The following SGCD variants were observed in gnomAD, a reference collection of about 807,000 sequenced individuals.
SGCD encodes the protein sarcoglycan delta.
In SGCD, 18 loss-of-function variants were observed where a neutral mutation model predicts 36.6. The ratio of observed to expected loss-of-function variants is 0.49; its 90% CI spans 0.34 to 0.73. SGCD has a LOEUF of 0.73. SGCD is among the 30% of genes least tolerant of loss of function. The probability of loss-of-function intolerance (pLI) is 0.01; values close to 1 mark genes in which losing one functional copy is unlikely to be tolerated. For synonymous variants in SGCD, 133 were observed against 130.6 expected (o/e 1.02, Z -0.12); for missense variants, 387 against 346.7 (o/e 1.12, Z -0.92).
chr5:156,729,358 C>T (rs763106331), intron 7 of SGCD, among the ~76,000 whole-genome samples: 9 of 152,152 alleles, frequency 5.9e-5, no homozygotes, highest in Admixed American at 2.0e-4. Flanking sequence ...TCTATCTCTC[C>T]GGTGAAAATC....
At chr5:156,217,027 C>T (rs1487324946) in intron 3 of SGCD, among the ~76,000 whole-genome samples, 2 of 151,956 alleles carry the variant, frequency 1.3e-5, no homozygotes, top group East Asian at 1.9e-4. Context: ...GCAGTGAGCC[C>T]AGATCGTGCC....
intron 3 of SGCD, chr5:156,458,418 T>A: frequency 6.2e-7 from 1 of 1,604,044 alleles, no homozygotes; most frequent in East Asian, 2.2e-5. Context: ...ATCGATGTAG[T>A]AGACACCAAT....
At chr5:156,495,079 C>T (rs1026797298) in intron 3 of SGCD, among the ~76,000 whole-genome samples, 1 of 152,086 alleles carries the variant, frequency 6.6e-6, no homozygotes, top group Non-Finnish European at 1.5e-5. Context: ...TCCACAGGTG[C>T]AGTGATTTCC....
chr5:156,688,527 C>A (rs917053640), intron 7 of SGCD, among the ~76,000 whole-genome samples: 1 of 152,078 alleles, frequency 6.6e-6, no homozygotes, highest in Non-Finnish European at 1.5e-5. Context: ...GTCAGAAACT[C>A]CCCAAATTAA....
intron 3 of SGCD, among the ~76,000 whole-genome samples, chr5:156,413,272 G>T (rs1431702579): frequency 1.3e-5 from 2 of 152,192 alleles, no homozygotes; most frequent in South Asian, 2.1e-4. Context: ...TTCAAAGAAG[G>T]CATCCTGGGA....
chr5:156,538,638 G>T (rs779616670), intron 4 of SGCD, among the ~76,000 whole-genome samples: 5 of 152,002 alleles, frequency 3.3e-5, no homozygotes, highest in Admixed American at 6.6e-5. Flanking sequence ...TTAAAAAAAA[G>T]CCTCTCTGAG....
At chr5:155,931,277 T>A (rs1757092895) in intron 1 of SGCD, among the ~76,000 whole-genome samples, 1 of 152,188 alleles carries the variant, frequency 6.6e-6, no homozygotes, top group African/African-American at 2.4e-5. Context: ...TATTCTGAGT[T>A]CCATTGGGGG....
rs577141851 is a variant in SGCD at position 156,469,891 on chromosome 5, C to T, written c.193-38710C>T. ...CTGTCAAATAACACATTCAGAGATGCGTAAACATGGGCCAAGTTAAGCTGA... is the reference window on the plus strand; with the variant it reads ...CTGTCAAATAACACATTCAGAGATGTGTAAACATGGGCCAAGTTAAGCTGA... On this transcript the variant is annotated intron_variant, in intron 3 of 8. Coordinates refer to ENST00000337851, the MANE Select transcript of SGCD (RefSeq NM_000337.6). Among the ~76,000 whole-genome samples the T allele has an allele frequency of 1.9e-4, 29 of 152,272 alleles. 1 individual carries two copies. Among genetic ancestry groups the T allele is most frequent in the Non-Finnish European group, 3.1e-4 (21 of 68,024 alleles).
Position 156,483,642 on chromosome 5 carries a change from C to G in SGCD, c.193-24959C>G, listed in dbSNP as rs76132805. ...TCTTTTCTTCTGCATTTCTTAATCT[C>G]TCTCTTGAGAGCAGTCACCTTGGTA... On this transcript the variant is annotated intron_variant, in intron 3 of 8. Coordinates refer to ENST00000337851, the MANE Select transcript of SGCD (RefSeq NM_000337.6). 3.3e-4 allele frequency among the ~76,000 whole-genome samples: 51 copies of G among 152,326 alleles called. No homozygotes were observed. The East Asian group carries it at 9.8e-3, about 29-fold the overall frequency.
the SGCD span, among the ~76,000 whole-genome samples, chr5:155,860,166 C>T: frequency 6.6e-6 from 1 of 152,226 alleles, no homozygotes; most frequent in Non-Finnish European, 1.5e-5. Flanking sequence ...TTTTTCTTCT[C>T]CCTTCTACCT....
chr5:156,533,451 A>G (rs1235453469), intron 4 of SGCD, among the ~76,000 whole-genome samples: 2 of 152,214 alleles, frequency 1.3e-5, no homozygotes, highest in Non-Finnish European at 2.9e-5. Flanking sequence ...ATATGTTTTC[A>G]TCCAGAACCC....
intron 3 of SGCD, among the ~76,000 whole-genome samples, chr5:156,475,351 G>A (rs1002861778): frequency 1.3e-5 from 2 of 152,142 alleles, no homozygotes; most frequent in African/African-American, 4.8e-5. Flanking sequence ...TCCCTGCTCT[G>A]TCATAGTGAC....
At chr5:156,390,702 C>A (rs1771516249) in intron 3 of SGCD, among the ~76,000 whole-genome samples, 1 of 151,876 alleles carries the variant, frequency 6.6e-6, no homozygotes, top group Admixed American at 6.6e-5. Context: ...TGCACTCCAG[C>A]CTGGGCAACA....
intron 7 of SGCD, among the ~76,000 whole-genome samples, chr5:156,657,334 G>A (rs888713391): frequency 6.6e-6 from 1 of 151,306 alleles, no homozygotes; most frequent in African/African-American, 2.4e-5. Context: ...CCATGTTGGT[G>A]TGCTGCACCC....
the SGCD span, among the ~76,000 whole-genome samples, chr5:155,733,922 G>A: frequency 2.3e-3 from 345 of 151,924 alleles, 1 homozygote; most frequent in African/African-American, 7.2e-3. Flanking sequence ...GGTGTCCTGC[G>A]CACCTGTCAG....
rs777821711 is a variant in SGCD, at chr5:156,595,037, G to T, written c.488G>T (p.Arg163Ile). 6.2e-7 allele frequency: 1 copy of T among 1,611,980 alleles called. No individual in the cohort carries two copies. Among genetic ancestry groups the T allele is most frequent in the South Asian group, 1.1e-5 (1 of 90,746 alleles). The change falls in exon 6 of 9, where the codon AGA becomes ATA. Residue 163 changes from arginine to isoleucine, a missense_variant. Coordinates refer to ENST00000337851, the MANE Select transcript of SGCD (RefSeq NM_000337.6). The stretch of plus-strand genomic sequence containing the variant: ...AATGAAGTGGTAGTAGGAGCTGAAA[G>T]ATTACGAGTTTTAGGTAAGGAAACT... ...DNNEVVVGAERLRVLGAEGTV... is the reference protein window; with the variant it reads ...DNNEVVVGAEILRVLGAEGTV...
chr5:156,597,568 A>T (rs549373876), intron 6 of SGCD, among the ~76,000 whole-genome samples: 1 of 152,302 alleles, frequency 6.6e-6, no homozygotes, highest in East Asian at 1.9e-4. Flanking sequence ...AACTGGGTTC[A>T]TGGGACTATG....
chr5:155,730,475 G>GTGTGTGTGT, the SGCD span, among the ~76,000 whole-genome samples: 2 of 151,194 alleles, frequency 1.3e-5, no homozygotes, highest in Non-Finnish European at 2.9e-5. Context: ...GTGTGTGTGT[G>GTGTGTGTGT]GCGAGGGGAA....
At chr5:156,391,512 A>G (rs1455201783) in intron 3 of SGCD, among the ~76,000 whole-genome samples, 1 of 152,246 alleles carries the variant, frequency 6.6e-6, no homozygotes, top group Non-Finnish European at 1.5e-5. Context: ...ATCTGTACTG[A>G]ACACATACAG....
Sources: gnomAD v4.1 joint callset for allele counts (sites outside exome capture counted in the v4.1 genomes callset) on GRCh38, gnomAD v4.1.1 for gene constraint, MANE v1.5 for transcripts, NCBI Gene and HGNC (gene_info 2026-07-23, HGNC 2026-07-21) for gene names.